Variants in TNKS observed in about 807,000 individuals in gnomAD.
TNKS encodes tankyrase.
Under a neutral mutation model 135.8 loss-of-function variants are expected in TNKS, and 72 were observed. The ratio of observed to expected loss-of-function variants is 0.53; its 90% CI spans 0.44 to 0.64. TNKS has a LOEUF of 0.64. TNKS is among the 30% of genes least tolerant of loss of function. TNKS has a pLI of 0.00. For synonymous variants in TNKS, 849 were observed against 649.3 expected (o/e 1.31, Z -4.68); for missense variants, 1,769 against 1,674.0 (o/e 1.06, Z -0.99).
At chr8:9,770,004 C>A in intron 25 of TNKS, 102 bp from the exon 26 acceptor site, 2 of 1,012,104 alleles carry the variant, frequency 2.0e-6, no homozygotes, top group Non-Finnish European at 2.8e-6. Context: ...TTTAAATTAG[C>A]TTGCCTTATG....
At chr8:9,682,233 C>T (rs1435181393) in intron 5 of TNKS, among the ~76,000 whole-genome samples, 1 of 152,082 alleles carries the variant, frequency 6.6e-6, no homozygotes, top group African/African-American at 2.4e-5. Context: ...GCTTGTTTCG[C>T]CCGGCCTACG....
chr8:9,633,828 T>C (rs1295800721), intron 3 of TNKS, among the ~76,000 whole-genome samples: 2 of 152,156 alleles, frequency 1.3e-5, no homozygotes, highest in Non-Finnish European at 2.9e-5. Context: ...TGAAGATTCT[T>C]GGAAGCAGAT....
intron 1 of TNKS, among the ~76,000 whole-genome samples, chr8:9,559,470 G>T (rs1474635747): frequency 1.3e-5 from 2 of 152,042 alleles, no homozygotes; most frequent in Non-Finnish European, 1.5e-5. Flanking sequence ...TAGGTTCAGG[G>T]ATTACATGTG....
At chr8:9,731,695 A>G (rs1189749638) in intron 14 of TNKS, among the ~76,000 whole-genome samples, 1 of 152,108 alleles carries the variant, frequency 6.6e-6, no homozygotes, top group Non-Finnish European at 1.5e-5. Context: ...TTTTCCACTC[A>G]GTAGTGTATC....
At chr8:9,605,631 G>A (rs1343212744) in intron 2 of TNKS, among the ~76,000 whole-genome samples, 1 of 152,030 alleles carries the variant, frequency 6.6e-6, no homozygotes, top group African/African-American at 2.4e-5. Context: ...TAGAGTTCCA[G>A]TTTAGAATCT....
intron 3 of TNKS, among the ~76,000 whole-genome samples, chr8:9,659,909 C>T (rs1259798363): frequency 6.6e-6 from 1 of 152,174 alleles, no homozygotes; most frequent in Non-Finnish European, 1.5e-5. Flanking sequence ...GGGGATACCA[C>T]CACTGATCCC....
chr8:9,577,376 A>G (rs1797989018), intron 1 of TNKS, among the ~76,000 whole-genome samples: 1 of 152,096 alleles, frequency 6.6e-6, no homozygotes, highest in Non-Finnish European at 1.5e-5. Flanking sequence ...TTGCATTGCT[A>G]TAAAGAACTA....
chr8:9,576,014 C>T (rs117448989), intron 1 of TNKS, among the ~76,000 whole-genome samples: 144 of 152,230 alleles, frequency 9.5e-4, no homozygotes, highest in Non-Finnish European at 1.8e-3. Flanking sequence ...CACTCTTCCT[C>T]CCACACCTTC....
chr8:9,595,254 A>G (rs1798735942), intron 2 of TNKS, among the ~76,000 whole-genome samples: 1 of 151,822 alleles, frequency 6.6e-6, no homozygotes, highest in African/African-American at 2.4e-5. Flanking sequence ...CTGAGTAGCT[A>G]GGATTACAGG....
intron 11 of TNKS, among the ~76,000 whole-genome samples, chr8:9,716,054 C>T: frequency 6.6e-6 from 1 of 152,056 alleles, no homozygotes; most frequent in Non-Finnish European, 1.5e-5. Flanking sequence ...GCTATTTTGT[C>T]ATTATGTGCA....
intron 11 of TNKS, among the ~76,000 whole-genome samples, chr8:9,712,783 G>A (rs1371859604): frequency 1.3e-5 from 2 of 152,050 alleles, no homozygotes; most frequent in African/African-American, 2.4e-5. Context: ...CCAGCTACTC[G>A]GGAGGCTGAG....
intron 1 of TNKS, among the ~76,000 whole-genome samples, chr8:9,568,743 ATGT>A (rs1447179575): frequency 1.3e-5 from 2 of 149,340 alleles, no homozygotes; most frequent in African/African-American, 4.9e-5. Context: ...CAAACAGAAA[ATGT>A]TGTTGGAAAA....
chr8:9,589,355 A>G (rs1159741990), intron 2 of TNKS, among the ~76,000 whole-genome samples: 1 of 152,210 alleles, frequency 6.6e-6, no homozygotes, highest in Non-Finnish European at 1.5e-5. Context: ...AGCATCAGAT[A>G]AATATTTGAA....
chr8:9,773,864 T>G (rs1390225649), intron 26 of TNKS, among the ~76,000 whole-genome samples: 1 of 152,240 alleles, frequency 6.6e-6, no homozygotes, highest in Non-Finnish European at 1.5e-5. Context: ...TACTTTCTCA[T>G]GAGCAGTTTT....
chr8:9,765,195 G>A (rs183099251), intron 23 of TNKS, among the ~76,000 whole-genome samples: 6 of 151,918 alleles, frequency 3.9e-5, no homozygotes, highest in African/African-American at 1.2e-4. Flanking sequence ...TCTTAATCTC[G>A]GTATCTCAAT....
At chr8:9,582,312 G>GT (rs370751684) in intron 2 of TNKS, among the ~76,000 whole-genome samples, 43 of 147,436 alleles carry the variant, frequency 2.9e-4, no homozygotes, top group East Asian at 5.9e-4. Flanking sequence ...GGGAAGCCTT[G>GT]TTTTTTTTTT....
At position 9,769,612 on chromosome 8, in the gene TNKS, C is replaced by CTTT. The variant is rs1163803220; in HGVS notation, c.3741-471_3741-469dup. Among the ~76,000 whole-genome samples the CTTT allele has an allele frequency of 6.6e-3, 484 of 73,450 alleles. 10 individuals carry two copies. Among genetic ancestry groups the CTTT allele is most frequent in the Middle Eastern group, 0.024 (1 of 42 alleles). 48.2% of individuals were successfully genotyped at this position (73,450 alleles called of 152,430 possible). ...GGCAAAACTTACTGGCAGGCATTTT[C>CTTT]TTTTTTTTTTTTTTTTTTTTTTTTT... On this transcript the variant is annotated intron_variant, in intron 25 of 26. Coordinates refer to ENST00000310430, the MANE Select transcript of TNKS (RefSeq NM_003747.3).
At chr8:9,620,603 A>G (rs916079933) in intron 3 of TNKS, among the ~76,000 whole-genome samples, 5 of 152,044 alleles carry the variant, frequency 3.3e-5, no homozygotes, top group African/African-American at 1.2e-4. Flanking sequence ...CTTGTCTTCT[A>G]CTGTATTCTC....
rs139110221 is a variant in TNKS, at chr8:9,764,789, G to A, written c.3446G>A (p.Arg1149Gln). Reference sequence around the variant, plus strand: ...ATCTTCAACAGATACAATGTCATTCGAGTAAGTTTTTAAAGTTTCATGGTG... The same window carrying A: ...ATCTTCAACAGATACAATGTCATTCAAGTAAGTTTTTAAAGTTTCATGGTG... ...GGIFNRYNVIRIQKVVNKKLR... is the reference protein window; with the variant it reads ...GGIFNRYNVIQIQKVVNKKLR... The change falls in exon 23 of 27, where the codon CGA becomes CAA. Residue 1149 changes from arginine (R) to glutamine (Q), a missense_variant and splice_region_variant. By Grantham distance (43) the Arg-to-Gln change is conservative (BLOSUM62 1). Coordinates refer to ENST00000310430, the MANE Select transcript of TNKS (RefSeq NM_003747.3). The A allele has an allele frequency of 1.6e-5, 26 of 1,585,748 alleles. No homozygotes were observed. Among genetic ancestry groups the A allele is most frequent in the South Asian group, 3.5e-5 (3 of 85,134 alleles).
Sources: gnomAD v4.1 joint callset for allele counts (sites outside exome capture counted in the v4.1 genomes callset) on GRCh38, gnomAD v4.1.1 for gene constraint, MANE v1.5 for transcripts, NCBI Gene and HGNC (gene_info 2026-07-23, HGNC 2026-07-21) for gene names.